The following SFMBT2 variants were observed in gnomAD, a reference collection of about 807,000 sequenced individuals.
SFMBT2 encodes scm-like with four MBT domains protein 2.
Under a neutral mutation model 110.1 loss-of-function variants are expected in SFMBT2, and 38 were observed. That is an observed-to-expected ratio of 0.35 (90% confidence interval 0.27 to 0.45). SFMBT2 has a LOEUF of 0.45. SFMBT2 is among the 20% of genes least tolerant of loss of function. The pLI, the probability that SFMBT2 is intolerant of heterozygous loss-of-function variation, is 1.00. For synonymous variants in SFMBT2, 425 were observed against 425.4 expected, an observed-to-expected ratio of 1.00 and a Z score of 0.01; for missense variants, 1,011 against 1,094.9, an observed-to-expected ratio of 0.92 and a Z score of 1.08.
At position 7,315,128 on chromosome 10, in the gene SFMBT2, C is replaced by A. The variant is rs555288917; in HGVS notation, c.437-29174G>T. 4.2e-3 allele frequency among the ~76,000 whole-genome samples: 607 copies of A among 143,350 alleles called. 9 individuals carry two copies. The highest frequency in any genetic ancestry group is 0.013 in the African/African-American group (469 of 35,776). 94.0% of individuals were successfully genotyped at this position (143,350 alleles called of 152,430 possible). On this transcript the variant is annotated intron_variant, in intron 4 of 20. Transcript: ENST00000397167. The stretch of plus-strand genomic sequence containing the variant: ...AGAAAGAAAAAGCAAGCAAGCAAGC[C>A]AGCCAATCCGGCAGCACAAGAGTAA...
intron 4 of SFMBT2, among the ~76,000 whole-genome samples, chr10:7,325,757 TG>T (rs1289915787): frequency 6.6e-6 from 1 of 151,984 alleles, no homozygotes; most frequent in African/African-American, 2.4e-5. Context: ...AGTATCAGGG[TG>T]GGGATGGAAG....
intron 7 of SFMBT2, among the ~76,000 whole-genome samples, chr10:7,250,873 A>G (rs1840782432): frequency 1.3e-5 from 2 of 152,316 alleles, no homozygotes; most frequent in South Asian, 4.1e-4. Context: ...AGAAGGAATC[A>G]AAGGCTACTG....
At chr10:7,377,714 G>A (rs973752256) in intron 2 of SFMBT2, among the ~76,000 whole-genome samples, 7 of 152,080 alleles carry the variant, frequency 4.6e-5, no homozygotes, top group East Asian at 1.9e-4. Flanking sequence ...GGTGAAGCTC[G>A]GGCAGTAATG....
chr10:7,291,835 G>A (rs554305704), intron 4 of SFMBT2, among the ~76,000 whole-genome samples: 10 of 152,216 alleles, frequency 6.6e-5, no homozygotes, highest in Middle Eastern at 3.4e-3. Flanking sequence ...TTGTACCCAC[G>A]GCAGGGGTGG....
At chr10:7,210,926 T>G (rs1588342467) in intron 11 of SFMBT2, among the ~76,000 whole-genome samples, 3 of 143,762 alleles carry the variant, frequency 2.1e-5, no homozygotes, top group Admixed American at 7.0e-5. Flanking sequence ...ATGGGGGGGG[T>G]GTGGGGAGGG....
chr10:7,383,031 T>C (rs529305903), intron 1 of SFMBT2, among the ~76,000 whole-genome samples: 4 of 152,334 alleles, frequency 2.6e-5, no homozygotes, highest in Admixed American at 1.3e-4. Flanking sequence ...GGTGTTTCTC[T>C]CATTCATTCA....
chr10:7,302,065 A>C (rs1588431231), intron 4 of SFMBT2, among the ~76,000 whole-genome samples: 2 of 152,218 alleles, frequency 1.3e-5, no homozygotes, highest in African/African-American at 4.8e-5. Context: ...CCAGAAAACA[A>C]CACAAATCCT....
At chr10:7,325,129 G>A (rs576108587) in intron 4 of SFMBT2, among the ~76,000 whole-genome samples, 28 of 151,944 alleles carry the variant, frequency 1.8e-4, no homozygotes, top group Middle Eastern at 6.8e-3. Flanking sequence ...CACCACGTCC[G>A]GCTAATTTTT....
At chr10:7,348,265 A>G in intron 4 of SFMBT2, 2 of 1,502,850 alleles carry the variant, frequency 1.3e-6, no homozygotes, top group South Asian at 2.6e-5. Flanking sequence ...ACGGTCTCGA[A>G]GAAGTTTTGA....
At chr10:7,203,733 CAG>C in intron 12 of SFMBT2, 1 of 937,296 alleles carries the variant, frequency 1.1e-6, no homozygotes, top group South Asian at 4.9e-5. Context: ...TTTTGTGAGA[CAG>C]AGCGGAGTAT....
intron 16 of SFMBT2, among the ~76,000 whole-genome samples, chr10:7,177,371 C>T (rs1277143128): frequency 3.3e-5 from 5 of 152,094 alleles, no homozygotes; most frequent in Non-Finnish European, 7.4e-5. Flanking sequence ...CCGCAAAAAG[C>T]GGTAAATCTA....
At chr10:7,381,751 T>C in intron 2 of SFMBT2, 48 bp downstream of exon 2, 2 of 1,587,074 alleles carry the variant, frequency 1.3e-6, no homozygotes, top group Non-Finnish European at 1.7e-6. Context: ...AGGAAGATAT[T>C]GATCAATTCA....
At chr10:7,278,577 A>T (rs1841853076) in intron 6 of SFMBT2, among the ~76,000 whole-genome samples, 1 of 152,204 alleles carries the variant, frequency 6.6e-6, no homozygotes, top group African/African-American at 2.4e-5. Flanking sequence ...CAAGCTGGGC[A>T]GGCAGATGGA....
intron 4 of SFMBT2, among the ~76,000 whole-genome samples, chr10:7,315,024 GAGA>G (rs1842953374): frequency 8.5e-6 from 1 of 117,376 alleles, no homozygotes; most frequent in African/African-American, 3.4e-5. Flanking sequence ...AGAAAAGAGA[GAGA>G]AAGAAAGAAA....
At position 7,162,809 on chromosome 10, in the gene SFMBT2, C is replaced by T. The variant is rs1837582844; in HGVS notation, c.*961G>A. 1 of 152,214 alleles carries T rather than the reference C, an allele frequency of 6.6e-6. No individual in the cohort carries two copies. The highest frequency in any genetic ancestry group is 1.5e-5 in the Non-Finnish European group (1 of 68,102). 9.4% of individuals were successfully genotyped at this position (152,214 alleles called of 1,614,324 possible). A position where few individuals can be genotyped will look rare whatever the true frequency, so the allele number is the denominator to read the frequency against. ...AGATGTTCTAGGCTTCAATCAAAAA[C>T]CATCCAGTTGGGCCGGGGCGTAGTG... On this transcript the variant is annotated 3_prime_UTR_variant, in exon 21 of 21. Transcript: ENST00000397167.
intron 4 of SFMBT2, among the ~76,000 whole-genome samples, chr10:7,327,631 A>C (rs1461716257): frequency 6.6e-6 from 1 of 151,608 alleles, no homozygotes; most frequent in African/African-American, 2.4e-5. Flanking sequence ...CAGTGAGCTG[A>C]GATCATGCCA....
chr10:7,314,998 G>A (rs528962977), intron 4 of SFMBT2, among the ~76,000 whole-genome samples: 24 of 131,778 alleles, frequency 1.8e-4, no homozygotes, highest in African/African-American at 7.2e-4. Context: ...AAGAAAGAAA[G>A]AAAAGAAAGA....
At chr10:7,250,974 A>G (rs1195919449) in intron 7 of SFMBT2, among the ~76,000 whole-genome samples, 6 of 152,120 alleles carry the variant, frequency 3.9e-5, no homozygotes, top group African/African-American at 1.2e-4. Context: ...AACTAAACCA[A>G]CATTGACTTG....
chr10:7,192,522 C>G (rs1838631654), intron 15 of SFMBT2, among the ~76,000 whole-genome samples: 1 of 152,144 alleles, frequency 6.6e-6, no homozygotes, highest in South Asian at 2.1e-4. Context: ...AGTGATAGCC[C>G]AGGACAAATG....
Sources: gnomAD v4.1 joint callset for allele counts (sites outside exome capture counted in the v4.1 genomes callset) on GRCh38, gnomAD v4.1.1 for gene constraint, MANE v1.5 for transcripts, NCBI Gene and HGNC (gene_info 2026-07-23, HGNC 2026-07-21) for gene names.